ST3GAL3: variants seen among roughly 807,000 people sequenced by gnomAD.
ST3GAL3 encodes the protein ST3 beta-galactoside alpha-2,3-sialyltransferase 3.
A neutral mutation model predicts 50.1 loss-of-function variants in ST3GAL3; 21 were observed. That is an observed-to-expected ratio of 0.42 (90% CI 0.30 to 0.60). The LOEUF is 0.60. Among genes scored for constraint, ST3GAL3 ranks in the 20% least tolerant of loss-of-function variants. The pLI is 0.19. For missense variants in ST3GAL3, 353 were observed against 489.4 expected (o/e 0.72, Z 2.63); for synonymous variants, 183 against 190.0 (o/e 0.96, Z 0.30).
At chr1:43,744,860 A>G (rs1347533386) in intron 2 of ST3GAL3, among the ~76,000 whole-genome samples, 1 of 151,528 alleles carries the variant, frequency 6.6e-6, no homozygotes, top group African/African-American at 2.4e-5. Flanking sequence ...GCGTGATGGC[A>G]TGTGCCTGTA....
intron 5 of ST3GAL3, chr1:43,879,204 A>C (rs1327779756): frequency 4.5e-6 from 2 of 446,338 alleles, no homozygotes; most frequent in Non-Finnish European, 9.0e-6. Context: ...ACTCAGAAAA[A>C]GGCTTGTATT....
In ST3GAL3 at chr1:43,899,592, G is replaced by A. The variant is rs2077939158; in HGVS notation, c.609G>A (p.Thr203=). The A allele has an allele frequency of 2.5e-6, 4 of 1,613,942 alleles. No homozygotes were observed. The highest frequency in any genetic ancestry group is 3.4e-6 in the Non-Finnish European group (4 of 1,180,032). Residue 203 remains threonine, a synonymous_variant, in exon 9 of 12, where the codon ACG becomes ACA. Transcript: ENST00000347631. The surrounding 1 kb of genome is among the most constrained non-coding windows in gnomAD (Gnocchi z 5.4). ...KGFEKDVGSK[T]TLRITYPEGA... ...TTGAGAAGGACGTGGGCAGCAAAACGACACTGCGCATCACCTACCCCGAGG... is the reference window on the plus strand; with the variant it reads ...TTGAGAAGGACGTGGGCAGCAAAACAACACTGCGCATCACCTACCCCGAGG...
chr1:43,834,550 C>A (rs2064004040), intron 4 of ST3GAL3, among the ~76,000 whole-genome samples: 1 of 152,180 alleles, frequency 6.6e-6, no homozygotes, highest in East Asian at 1.9e-4. Context: ...TTGGTCTCTG[C>A]GTCCTTCCTA....
At chr1:43,799,021 C>G (rs143111904) in intron 3 of ST3GAL3, among the ~76,000 whole-genome samples, 115 of 152,258 alleles carry the variant, frequency 7.6e-4, no homozygotes, top group African/African-American at 2.6e-3. Flanking sequence ...TTTATTGACA[C>G]AGACGATGTC....
At chr1:43,753,212 G>A (rs994597042) in intron 2 of ST3GAL3, among the ~76,000 whole-genome samples, 5 of 152,192 alleles carry the variant, frequency 3.3e-5, no homozygotes, top group South Asian at 2.1e-4. Context: ...CCCTGTACAC[G>A]CGTGGGCATG....
chr1:43,902,700 G>A (rs1230466668), intron 9 of ST3GAL3, among the ~76,000 whole-genome samples: 3 of 152,206 alleles, frequency 2.0e-5, no homozygotes, highest in African/African-American at 2.4e-5. Context: ...AGCACAGCAC[G>A]GAAGCTGAGG....
At position 43,899,554 on chromosome 1, in the gene ST3GAL3, C is replaced by T. The variant is rs200473755; in HGVS notation, c.571C>T (p.Pro191Ser). Residue 191 changes from proline to serine, a missense_variant, in exon 9 of 12, where the codon CCA (proline) becomes TCA (serine). Pro to Ser is a moderately conservative substitution (Grantham distance 74). Transcript: ENST00000347631. This position sits in a 1 kb window ranked among gnomAD's most constrained non-coding sequence, Gnocchi z 5.4. ...TGCTCTCTGTAGACTGAATTCAGCA[C>T]CAGTGAAAGGCTTTGAGAAGGACGT... is the stretch of plus-strand genomic sequence containing the variant. ...YDIVVRLNSA[P>S]VKGFEKDVGS... The T allele has an allele frequency of 6.2e-7, 1 of 1,613,432 alleles. No homozygotes were observed. The highest frequency in any genetic ancestry group is 1.7e-5 in the Admixed American group (1 of 60,028).
intron 5 of ST3GAL3, among the ~76,000 whole-genome samples, chr1:43,875,269 T>TA (rs1366615498): frequency 1.3e-5 from 2 of 152,122 alleles, no homozygotes; most frequent in African/African-American, 2.4e-5. Flanking sequence ...GAGCTATAGA[T>TA]ACATGGAGGC....
chr1:43,928,032 C>T (rs1051896761), intron 11 of ST3GAL3, among the ~76,000 whole-genome samples: 1 of 152,052 alleles, frequency 6.6e-6, no homozygotes, highest in African/African-American at 2.4e-5. Context: ...CTGATGACTG[C>T]GGGAATTTGG....
intron 4 of ST3GAL3, chr1:43,824,801 A>C (rs773126225): frequency 2.0e-5 from 29 of 1,428,784 alleles, no homozygotes; most frequent in Non-Finnish European, 2.8e-5. Context: ...AGAGCCTAAA[A>C]AATTACTGAT....
At chr1:43,884,814 A>G (rs1250750331) in intron 5 of ST3GAL3, among the ~76,000 whole-genome samples, 6 of 152,170 alleles carry the variant, frequency 3.9e-5, no homozygotes, top group Non-Finnish European at 8.8e-5. Flanking sequence ...CCAGGCACAG[A>G]TGTCAAGCTG....
chr1:43,796,147 C>A (rs1452165345), intron 3 of ST3GAL3, among the ~76,000 whole-genome samples: 1 of 152,212 alleles, frequency 6.6e-6, no homozygotes, highest in Non-Finnish European at 1.5e-5. Context: ...ACTTTCCTCT[C>A]TGATCAGAGG....
At chr1:43,880,210 G>C (rs1441187195) in intron 5 of ST3GAL3, among the ~76,000 whole-genome samples, 1 of 152,202 alleles carries the variant, frequency 6.6e-6, no homozygotes, top group African/African-American at 2.4e-5. Context: ...AATAACATTA[G>C]CATGTGTTAA....
chr1:43,812,300 TAGCAGGA>T (rs1462240556), intron 3 of ST3GAL3, among the ~76,000 whole-genome samples: 30 of 152,170 alleles, frequency 2.0e-4, no homozygotes, highest in African/African-American at 6.8e-4. Context: ...CTGGCACAGT[TAGCAGGA>T]GCTGGTGGGA....
At position 43,781,633 on chromosome 1, in the gene ST3GAL3, T is replaced by C. The variant is rs1028416520; in HGVS notation, c.119-10469T>C. ...CAAAAAAAAAAAAAAGATTTTTACA[T>C]GTTTAAAGGGTTGCTAAGCAAAACA... On this transcript the variant is annotated intron_variant, in intron 2 of 11. Coordinates refer to ENST00000347631, the MANE Select transcript of ST3GAL3 (RefSeq NM_006279.5). Among the ~76,000 whole-genome samples the C allele has an allele frequency of 1.6e-4, 24 of 151,736 alleles. No individual in the cohort carries two copies. The Middle Eastern group carries it at 0.014, about 87-fold the overall frequency.
chr1:43,714,588 G>C (rs1483236333), intron 1 of ST3GAL3, among the ~76,000 whole-genome samples: 1 of 152,144 alleles, frequency 6.6e-6, no homozygotes, highest in Non-Finnish European at 1.5e-5. Flanking sequence ...CTGGGCAGCA[G>C]AGCAAGACTC....
intron 3 of ST3GAL3, among the ~76,000 whole-genome samples, chr1:43,802,397 T>C (rs2154164797): frequency 6.6e-6 from 1 of 152,376 alleles, no homozygotes; most frequent in Non-Finnish European, 1.5e-5. Flanking sequence ...TTAGAACAAA[T>C]GGATTTCAAA....
chr1:43,762,320 A>G (rs988168377), intron 2 of ST3GAL3, among the ~76,000 whole-genome samples: 12 of 151,790 alleles, frequency 7.9e-5, no homozygotes, highest in Non-Finnish European at 1.0e-4. Context: ...TTACACAGGT[A>G]TGTAACCATA....
At chr1:43,918,582 C>G (rs1169396614) in intron 9 of ST3GAL3, among the ~76,000 whole-genome samples, 1 of 152,000 alleles carries the variant, frequency 6.6e-6, no homozygotes, top group Non-Finnish European at 1.5e-5. Flanking sequence ...TTTCACTGAT[C>G]TTGGTTTTGA....
Sources: allele counts gnomAD v4.1 joint callset (sites outside exome capture counted in the v4.1 genomes callset), GRCh38; gene constraint gnomAD v4.1.1; non-coding constraint Gnocchi (gnomAD v3.1); transcripts MANE v1.5; gene names NCBI Gene and HGNC (gene_info 2026-07-23, HGNC 2026-07-21).